The following CCDC73 variants were observed in gnomAD, a reference collection of about 807,000 sequenced individuals.
CCDC73 encodes the protein coiled-coil domain containing 73, also known as coiled-coil domain-containing protein 73.
Under a neutral mutation model 116.5 loss-of-function variants are expected in CCDC73, and 95 were observed. That is an observed-to-expected ratio of 0.82 (90% CI 0.69 to 0.97). The LOEUF is 0.97. Ranked by LOEUF, CCDC73 falls within the 50% of genes least tolerant of loss-of-function variation. The pLI is 0.00. For synonymous variants in CCDC73, 398 were observed against 401.3 expected (o/e 0.99, Z 0.10); for missense variants, 1,066 against 1,206.8 (o/e 0.88, Z 1.73).
At chr11:32,829,541 CG>C in the CCDC73 span, among the ~76,000 whole-genome samples, 2 of 152,234 alleles carry the variant, frequency 1.3e-5, no homozygotes, top group Admixed American at 1.3e-4. Context: ...ATCTTGTCCT[CG>C]TCCCCGGACC....
In CCDC73 at chr11:32,654,899, A is replaced by T. The variant is rs1315142870; in HGVS notation, c.719T>A (p.Ile240Asn). 1.2e-6 allele frequency: 2 copies of T among 1,602,994 alleles called. No homozygotes were observed. Among genetic ancestry groups the T allele is most frequent in the East Asian group, 2.2e-5 (1 of 44,564 alleles). The change falls in exon 10 of 18, where the codon ATC becomes AAC. Residue 240 changes from isoleucine (I) to asparagine (N), a missense_variant. Ile to Asn is a moderately radical substitution (Grantham distance 149). Transcript: ENST00000335185. ...TCQYKMGEEN[I>N]NLTIKEQKFQ... ...TTTTTGTTCTTTAATTGTTAGATTGATGTTTTCTTCTCCCATCTTATATTG... is the reference window on the plus strand; with the variant it reads ...TTTTTGTTCTTTAATTGTTAGATTGTTGTTTTCTTCTCCCATCTTATATTG...
intron 1 of CCDC73, among the ~76,000 whole-genome samples, chr11:32,791,508 T>C (rs1850676662): frequency 6.6e-6 from 1 of 152,246 alleles, no homozygotes; most frequent in Non-Finnish European, 1.5e-5. Flanking sequence ...TTGAAACACT[T>C]TTTTTCATAA....
intron 6 of CCDC73, among the ~76,000 whole-genome samples, chr11:32,689,477 C>T (rs1348175682): frequency 1.3e-5 from 2 of 151,316 alleles, no homozygotes; most frequent in Non-Finnish European, 2.9e-5. Flanking sequence ...CTTGTACACA[C>T]CAATAATTAA....
At chr11:32,773,915 T>C (rs1378620381) in intron 1 of CCDC73, among the ~76,000 whole-genome samples, 1 of 152,198 alleles carries the variant, frequency 6.6e-6, no homozygotes, top group African/African-American at 2.4e-5. Flanking sequence ...ACATGTTTTC[T>C]CTCAGGTGTT....
chr11:32,688,173 T>C (rs1856222679), intron 6 of CCDC73, among the ~76,000 whole-genome samples: 2 of 152,168 alleles, frequency 1.3e-5, no homozygotes, highest in Non-Finnish European at 2.9e-5. Context: ...ACTTGTCAGA[T>C]ACTACCTCAG....
At chr11:32,758,479 A>T (rs1850362826) in intron 2 of CCDC73, 1 of 459,134 alleles carries the variant, frequency 2.2e-6, no homozygotes, top group South Asian at 1.6e-5. Flanking sequence ...TCTTGAAAAA[A>T]TGTGTCAGCA....
intron 9 of CCDC73, among the ~76,000 whole-genome samples, chr11:32,658,149 G>A (rs1392392982): frequency 1.3e-5 from 2 of 152,106 alleles, no homozygotes; most frequent in African/African-American, 4.8e-5. Context: ...TCAGGTACAG[G>A]TGTGCTAATC....
At chr11:32,738,240 T>C (rs2133353864) in intron 2 of CCDC73, among the ~76,000 whole-genome samples, 1 of 152,354 alleles carries the variant, frequency 6.6e-6, no homozygotes, top group South Asian at 2.1e-4. Flanking sequence ...TGCTGGATCA[T>C]ATGGTAGCTC....
intron 2 of CCDC73, among the ~76,000 whole-genome samples, chr11:32,733,839 C>T (rs1850101449): frequency 6.6e-6 from 1 of 152,134 alleles, no homozygotes; most frequent in Non-Finnish European, 1.5e-5. Flanking sequence ...AATTGACACA[C>T]TAACATCACA....
chr11:32,715,125 C>T (rs1672215731), intron 3 of CCDC73, among the ~76,000 whole-genome samples: 1 of 152,080 alleles, frequency 6.6e-6, no homozygotes, highest in African/African-American at 2.4e-5. Context: ...TTCTGAGGTA[C>T]TTTCTTTCCC....
At chr11:32,672,707 CTT>C (rs1856050571) in intron 9 of CCDC73, among the ~76,000 whole-genome samples, 1 of 152,034 alleles carries the variant, frequency 6.6e-6, no homozygotes, top group African/African-American at 2.4e-5. Context: ...AGCTTTTTCT[CTT>C]TATATTAAAA....
At chr11:32,759,348 T>TA (rs1850370800) in intron 2 of CCDC73, among the ~76,000 whole-genome samples, 1 of 149,966 alleles carries the variant, frequency 6.7e-6, no homozygotes, top group African/African-American at 2.5e-5. Context: ...TTTTTTTTCT[T>TA]GAGATAGAGT....
At chr11:32,747,370 G>T (rs7952286) in intron 2 of CCDC73, among the ~76,000 whole-genome samples, 7,444 of 152,234 alleles carry the variant, frequency 0.049, 199 homozygotes, top group African/African-American at 0.068. Context: ...AGATCTCCCA[G>T]TCAGGCTAAA....
At chr11:32,816,647 G>A in the CCDC73 span, among the ~76,000 whole-genome samples, 1 of 152,118 alleles carries the variant, frequency 6.6e-6, no homozygotes, top group African/African-American at 2.4e-5. Context: ...CTGTGGAGAG[G>A]GAAGACACGT....
chr11:32,775,335 T>C (rs1057329065), intron 1 of CCDC73, among the ~76,000 whole-genome samples: 4 of 152,214 alleles, frequency 2.6e-5, no homozygotes, highest in Non-Finnish European at 5.9e-5. Context: ...CATATCTTTA[T>C]ACAGAATTTC....
At chr11:32,611,958 TA>T (rs1855426134) in intron 16 of CCDC73, among the ~76,000 whole-genome samples, 1 of 152,192 alleles carries the variant, frequency 6.6e-6, no homozygotes, top group Non-Finnish European at 1.5e-5. Flanking sequence ...AATACCTAAT[TA>T]AAAGTTAATG....
At chr11:32,757,181 A>C (rs1850351444) in intron 2 of CCDC73, among the ~76,000 whole-genome samples, 1 of 152,166 alleles carries the variant, frequency 6.6e-6, no homozygotes, top group Admixed American at 6.5e-5. Flanking sequence ...AGTTAAAAAA[A>C]ACTTGCACAA....
At chr11:32,654,094 C>T in intron 10 of CCDC73, 57 bp from the exon 11 acceptor site, 5 of 1,456,984 alleles carry the variant, frequency 3.4e-6, no homozygotes, top group African/African-American at 1.4e-5. Context: ...ATTCTACATT[C>T]AATTCAGTAC....
chr11:32,743,244 G>T (rs762086708), intron 2 of CCDC73, among the ~76,000 whole-genome samples: 3 of 152,124 alleles, frequency 2.0e-5, no homozygotes, highest in Non-Finnish European at 4.4e-5. Flanking sequence ...ATTACTTTGG[G>T]CAGTAAGGCC....
Sources: allele counts gnomAD v4.1 joint callset (sites outside exome capture counted in the v4.1 genomes callset), GRCh38; gene constraint gnomAD v4.1.1; transcripts MANE v1.5; gene names NCBI Gene and HGNC (gene_info 2026-07-23, HGNC 2026-07-21).